Variants in ZNF230 observed in about 807,000 individuals in gnomAD.
ZNF230 encodes zinc finger protein 230.
Under a neutral mutation model 10.0 loss-of-function variants are expected in ZNF230, and 12 were observed. The ratio of observed to expected loss-of-function variants is 1.20; its 90% CI spans 0.77 to 1.95. ZNF230 has a LOEUF of 1.95. ZNF230 is among the 30% of genes most tolerant of loss of function. The pLI is 0.00. For synonymous variants in ZNF230, 174 were observed against 193.6 expected (o/e 0.90, Z 0.84); for missense variants, 532 against 565.8 (o/e 0.94, Z 0.61).
At chr19:44,008,527 A>G (rs1264330848) in intron 2 of ZNF230, among the ~76,000 whole-genome samples, 1 of 152,198 alleles carries the variant, frequency 6.6e-6, no homozygotes, top group African/African-American at 2.4e-5. Flanking sequence ...AAACCTATAT[A>G]GGTGTAGCCC....
At chr19:44,005,528 A>G (rs1004314948) in intron 1 of ZNF230, among the ~76,000 whole-genome samples, 2 of 152,242 alleles carry the variant, frequency 1.3e-5, no homozygotes, top group Admixed American at 6.5e-5. Context: ...ATAGTGTTGA[A>G]TAGCATATTA....
chr19:44,008,962 G>A, intron 3 of ZNF230, 46 bp downstream of exon 3: 1 of 1,608,704 alleles, frequency 6.2e-7, no homozygotes, highest in Non-Finnish European at 8.5e-7. Context: ...CCTCAGGAGT[G>A]GCTTTGTATC....
chr19:44,007,480 T>C (rs2147423924), intron 2 of ZNF230, among the ~76,000 whole-genome samples: 1 of 152,342 alleles, frequency 6.6e-6, no homozygotes, highest in Middle Eastern at 3.4e-3. Flanking sequence ...TCTGGTTTTC[T>C]TCATACTTGT....
At position 44,008,971 on chromosome 19, in the gene ZNF230, T is replaced by C. The variant is rs529495033; in HGVS notation, c.142+55T>C. On this transcript the variant is annotated intron_variant, in intron 3 of 4. Coordinates refer to ENST00000429154, the MANE Select transcript of ZNF230 (RefSeq NM_006300.4). ...ATCAGGCCTCAGGAGTGGCTTTGTA[T>C]CCTAGAGTATTCAAGTTTGTGTATG... 6.2e-6 allele frequency: 10 copies of C among 1,606,964 alleles called. No individual in the cohort carries two copies. In the Admixed American group the frequency reaches 1.7e-4, roughly 27 times the overall value.
At chr19:44,010,125 C>A in intron 4 of ZNF230, 144 bp from the exon 5 acceptor site, 1 of 760,886 alleles carries the variant, frequency 1.3e-6, no homozygotes, top group Non-Finnish European at 2.0e-6. Context: ...AAATTGGTCA[C>A]ATACAAACCA....
chr19:44,003,642 C>A (rs1976091222), intron 1 of ZNF230: 1 of 198,834 alleles, frequency 5.0e-6, no homozygotes, highest in Non-Finnish European at 1.1e-5. Flanking sequence ...TTATGGGGGA[C>A]CGCGATGCAG....
intron 4 of ZNF230, among the ~76,000 whole-genome samples, chr19:44,010,015 T>C (rs1242358117): frequency 6.6e-6 from 1 of 152,244 alleles, no homozygotes; most frequent in Non-Finnish European, 1.5e-5. Context: ...AGAAAATTCC[T>C]TAGAAATAGT....
In ZNF230 at chr19:44,003,035, T is replaced by A. The variant is rs1173256767; in HGVS notation, c.-141T>A. ...GGCGGGTCCTTCTGAACTTGTCACC[T>A]TCGCTTGGGGTCGCAACGACCCGAT... On this transcript the variant is annotated 5_prime_UTR_variant, in exon 1 of 5. Coordinates refer to ENST00000429154, the MANE Select transcript of ZNF230 (RefSeq NM_006300.4). The A allele has an allele frequency of 6.6e-6, 1 of 152,202 alleles. No homozygotes were observed. Among genetic ancestry groups the A allele is most frequent in the African/African-American group, 2.4e-5 (1 of 41,406 alleles). The allele number at this position is 152,202 out of a possible 1,614,324, so 9.4% of individuals were successfully genotyped here. A position where few individuals can be genotyped will look rare whatever the true frequency, so the allele number is the denominator to read the frequency against.
At position 44,008,930 on chromosome 19, in the gene ZNF230, C is replaced by T; in HGVS notation, c.142+14C>T. On this transcript the variant is annotated intron_variant, in intron 3 of 4. Transcript: ENST00000429154. ...TGCTGTCAGTGGGTGAGCACAGGCA[C>T]CCTCTGTAATGGTACATCAGGCCTC... 6.2e-6 allele frequency: 10 copies of T among 1,613,242 alleles called. No individual in the cohort carries two copies. Among genetic ancestry groups the T allele is most frequent in the Non-Finnish European group, 8.5e-6 (10 of 1,179,456 alleles).
rs1053125319 is a variant in ZNF230, at chr19:44,012,576, T to C, written c.*1112T>C. 1 of 466,910 alleles carries C rather than the reference T, an allele frequency of 2.1e-6. No homozygotes were observed. The highest frequency in any genetic ancestry group is 4.2e-6 in the Non-Finnish European group (1 of 236,202). The allele number at this position is 466,910 out of a possible 1,614,324, so 28.9% of individuals were successfully genotyped here. A position where few individuals can be genotyped will look rare whatever the true frequency, so the allele number is the denominator to read the frequency against. ...AGGAGACAGGCCTTAGAATAAGAGTTTGTTCACACATTTACAAAACCCTAA... is the reference window on the plus strand; with the variant it reads ...AGGAGACAGGCCTTAGAATAAGAGTCTGTTCACACATTTACAAAACCCTAA... On this transcript the variant is annotated 3_prime_UTR_variant, in exon 5 of 5. Coordinates refer to ENST00000429154, the MANE Select transcript of ZNF230 (RefSeq NM_006300.4).
rs1309748168 is a variant in ZNF230 at position 44,012,052 on chromosome 19, T to TCTGATCCACATA, written c.*594_*605dup. 1 of 229,166 alleles carries TCTGATCCACATA rather than the reference T, an allele frequency of 4.4e-6. No homozygotes were observed. The highest frequency in any genetic ancestry group is 5.7e-5 in the South Asian group (1 of 17,690). 14.2% of individuals were successfully genotyped at this position (229,166 alleles called of 1,614,324 possible). ...TCCAATGAACATGGTAGTGTAGATATCTGATCCACATACTGATTTCCTTTG... is the reference window on the plus strand; with the variant it reads ...TCCAATGAACATGGTAGTGTAGATATCTGATCCACATACTGATCCACATACTGATTTCCTTTG... On this transcript the variant is annotated 3_prime_UTR_variant, in exon 5 of 5. Transcript: ENST00000429154.
chr19:44,007,491 C>G (rs1420235728), intron 2 of ZNF230, among the ~76,000 whole-genome samples: 1 of 152,126 alleles, frequency 6.6e-6, no homozygotes, highest in African/African-American at 2.4e-5. Context: ...TCATACTTGT[C>G]CATCAGATAG....
At chr19:44,005,153 A>G (rs1976111722) in intron 1 of ZNF230, among the ~76,000 whole-genome samples, 1 of 152,140 alleles carries the variant, frequency 6.6e-6, no homozygotes, top group Non-Finnish European at 1.5e-5. Context: ...TAAAAACAAA[A>G]TAAAATATTT....
intron 1 of ZNF230, among the ~76,000 whole-genome samples, chr19:44,005,894 A>G (rs1211514787): frequency 6.6e-6 from 1 of 152,144 alleles, no homozygotes; most frequent in Non-Finnish European, 1.5e-5. Flanking sequence ...GTCTCAAAAA[A>G]TAAAAAAATA....
At chr19:44,008,551 T>C (rs1484578992) in intron 2 of ZNF230, among the ~76,000 whole-genome samples, 2 of 152,200 alleles carry the variant, frequency 1.3e-5, no homozygotes, top group African/African-American at 4.8e-5. Flanking sequence ...ATGCACCATT[T>C]GAAATCCTAA....
rs759152991 is a variant in ZNF230 at position 44,012,414 on chromosome 19, G to C, written c.*950G>C. ...TAATATATTTCATCCAGGCTTGTAG[G>C]ACAGAAAACATTTGTTTAAGTTAAA... On this transcript the variant is annotated 3_prime_UTR_variant, in exon 5 of 5. Coordinates refer to ENST00000429154, the MANE Select transcript of ZNF230 (RefSeq NM_006300.4). The C allele has an allele frequency of 1.9e-6, 1 of 518,960 alleles. No individual in the cohort carries two copies. Among genetic ancestry groups the C allele is most frequent in the South Asian group, 1.4e-5 (1 of 71,580 alleles). 32.1% of individuals were successfully genotyped at this position (518,960 alleles called of 1,614,324 possible). A position where few individuals can be genotyped will look rare whatever the true frequency, so the allele number is the denominator to read the frequency against.
chr19:44,009,032 G>T, intron 3 of ZNF230, 52 bp from the exon 4 acceptor site: 1 of 1,607,020 alleles, frequency 6.2e-7, no homozygotes, highest in Non-Finnish European at 8.5e-7. Flanking sequence ...ATTTTACCTT[G>T]ATATTACCTA....
chr19:44,004,264 A>G (rs1362276586), intron 1 of ZNF230: 1 of 152,270 alleles, frequency 6.6e-6, no homozygotes, highest in Non-Finnish European at 1.5e-5. Context: ...TTAATTACCC[A>G]TGTATCCAAG....
chr19:44,003,003 T>A lies in ZNF230; in HGVS notation c.-173T>A, dbSNP rs1433322972. On this transcript the variant is annotated 5_prime_UTR_variant, in exon 1 of 5. Coordinates refer to ENST00000429154, the MANE Select transcript of ZNF230 (RefSeq NM_006300.4). ...ATAACCGCGTAGTTTGAGCCATTTC[T>A]GCGTCTGGCGGGTCCTTCTGAACTT... is the stretch of plus-strand genomic sequence containing the variant. 1 of 152,222 alleles carries A rather than the reference T, an allele frequency of 6.6e-6. No individual in the cohort carries two copies. Among genetic ancestry groups the A allele is most frequent in the Non-Finnish European group, 1.5e-5 (1 of 68,080 alleles). The allele number at this position is 152,222 out of a possible 1,614,324, so 9.4% of individuals were successfully genotyped here. A position where few individuals can be genotyped will look rare whatever the true frequency, so the allele number is the denominator to read the frequency against.
Sources: gnomAD v4.1 joint callset for allele counts (sites outside exome capture counted in the v4.1 genomes callset) on GRCh38, gnomAD v4.1.1 for gene constraint, MANE v1.5 for transcripts, NCBI Gene and HGNC (gene_info 2026-07-23, HGNC 2026-07-21) for gene names.